Variants in ADAM12 observed in about 807,000 individuals in gnomAD.
The protein encoded by ADAM12 is disintegrin and metalloproteinase domain-containing protein 12.
Under a neutral mutation model 106.4 loss-of-function variants are expected in ADAM12, and 70 were observed. The ratio of observed to expected loss-of-function variants is 0.66; its 90% confidence interval spans 0.54 to 0.80. ADAM12 has a LOEUF of 0.80. Ranked by LOEUF, ADAM12 falls within the 30% of genes least tolerant of loss-of-function variation. The probability of loss-of-function intolerance (pLI) is 0.00; values close to 1 mark genes in which losing one functional copy is unlikely to be tolerated. For missense variants in ADAM12, 1,010 were observed against 1,171.9 expected, an observed-to-expected ratio of 0.86 and a Z score of 2.02; for synonymous variants, 420 against 433.5, an observed-to-expected ratio of 0.97 and a Z score of 0.39.
At chr10:126,161,603 T>A (rs1956936206) in intron 3 of ADAM12, among the ~76,000 whole-genome samples, 1 of 152,226 alleles carries the variant, frequency 6.6e-6, no homozygotes, top group Non-Finnish European at 1.5e-5. Context: ...GCTTCGGGCT[T>A]TCTGCTCCTT....
chr10:126,158,168 A>G (rs1956853584), intron 3 of ADAM12, among the ~76,000 whole-genome samples: 1 of 151,998 alleles, frequency 6.6e-6, no homozygotes, highest in South Asian at 2.1e-4. Flanking sequence ...GCAGAGGAAC[A>G]GGCAGAAGGA....
At chr10:126,182,069 G>A (rs1431567370) in intron 3 of ADAM12, among the ~76,000 whole-genome samples, 10 of 152,204 alleles carry the variant, frequency 6.6e-5, no homozygotes, top group Admixed American at 1.3e-4. Context: ...ACACAGCACC[G>A]GCAACGCAGT....
At chr10:126,106,422 TCAC>T (rs1955768943) in intron 8 of ADAM12, among the ~76,000 whole-genome samples, 3 of 151,534 alleles carry the variant, frequency 2.0e-5, no homozygotes, top group Non-Finnish European at 4.4e-5. Context: ...CTTGTCCTTC[TCAC>T]TTCCCCACTT....
intron 3 of ADAM12, among the ~76,000 whole-genome samples, chr10:126,271,512 C>T (rs1959175841): frequency 6.6e-6 from 1 of 152,210 alleles, no homozygotes; most frequent in South Asian, 2.1e-4. Flanking sequence ...AGAGCAGTAG[C>T]TCATGCCTTT....
intron 3 of ADAM12, among the ~76,000 whole-genome samples, chr10:126,235,109 C>G (rs145605824): frequency 2.9e-3 from 437 of 152,316 alleles, no homozygotes; most frequent in African/African-American, 1.0e-2. Flanking sequence ...AGGCCAGACT[C>G]CTCACAGGTC....
Position 126,118,160 on chromosome 10 carries a change from A to G in ADAM12, c.481T>C (p.Tyr161His), listed in dbSNP as rs745347573. 4 of 1,614,166 alleles carry G rather than the reference A, an allele frequency of 2.5e-6. No homozygotes were observed. Among genetic ancestry groups the G allele is most frequent in the Non-Finnish European group, 3.4e-6 (4 of 1,179,988 alleles). The change falls in exon 6 of 23, where the codon TAC (tyrosine) becomes CAC (histidine). Residue 161 changes from tyrosine (Y) to histidine (H), a missense_variant. Coordinates refer to ENST00000448723, the MANE Select transcript of ADAM12 (RefSeq NM_001288973.2). Reference sequence around the variant, plus strand: ...AGCTTCTTCGCTGGGAAGAGTTTGTATCTGTTGGTTGCACTTTTCATTGGT... The same window carrying G: ...AGCTTCTTCGCTGGGAAGAGTTTGTGTCTGTTGGTTGCACTTTTCATTGGT... ...LEPMKSATNR[Y>H]KLFPAKKLKS...
chr10:126,111,332 A>C (rs1158381079), intron 6 of ADAM12, among the ~76,000 whole-genome samples: 1 of 152,240 alleles, frequency 6.6e-6, no homozygotes, highest in Non-Finnish European at 1.5e-5. Context: ...TTATAAAAGA[A>C]AAGACATTTG....
intron 2 of ADAM12, among the ~76,000 whole-genome samples, chr10:126,287,009 G>T (rs1323221211): frequency 3.9e-5 from 6 of 152,166 alleles, no homozygotes; most frequent in Non-Finnish European, 8.8e-5. Flanking sequence ...CTCCCTGCAG[G>T]AAAAGGCACC....
At chr10:126,342,753 A>G (rs1421920255) in intron 1 of ADAM12, among the ~76,000 whole-genome samples, 1 of 152,196 alleles carries the variant, frequency 6.6e-6, no homozygotes, top group Non-Finnish European at 1.5e-5. Context: ...TAAAATCCAC[A>G]CTAATGATGC....
intron 1 of ADAM12, among the ~76,000 whole-genome samples, chr10:126,385,412 C>T (rs1856628337): frequency 1.3e-5 from 2 of 152,192 alleles, no homozygotes; most frequent in Non-Finnish European, 2.9e-5. Context: ...ACAAAAGACA[C>T]TCTTAATACC....
Position 126,049,796 on chromosome 10 carries a change from T to C in ADAM12, c.1610-127A>G, listed in dbSNP as rs1282135707. On this transcript the variant is annotated intron_variant, in intron 14 of 22. Coordinates refer to ENST00000448723, the MANE Select transcript of ADAM12 (RefSeq NM_001288973.2). This position sits in a 1 kb window ranked among gnomAD's most constrained non-coding sequence, Gnocchi z 4.4. ...AATCACACCCAGTGTCTGTCCCGAC[T>C]CATGGTGGGAGCTGGCCAGGGGAAG... The C allele has an allele frequency of 1.2e-5, 10 of 835,948 alleles. No homozygotes were observed. The highest frequency in any genetic ancestry group is 2.6e-5 in the Admixed American group (1 of 38,578). The allele number at this position is 835,948 out of a possible 1,614,324, so 51.8% of individuals were successfully genotyped here.
intron 3 of ADAM12, among the ~76,000 whole-genome samples, chr10:126,231,141 T>C (rs985644741): frequency 1.3e-5 from 2 of 152,232 alleles, no homozygotes; most frequent in African/African-American, 4.8e-5. Flanking sequence ...ATCTATATAT[T>C]CTTGTACTTT....
In ADAM12 at chr10:126,106,541, G is replaced by A. The variant is rs192740537; in HGVS notation, c.741+2052C>T. ...TCGCTCTGTCACCAGGCTAGAGTGC[G>A]ATGGCGTGATCTCGGCTCACTGCAA... On this transcript the variant is annotated intron_variant, in intron 8 of 22. Transcript: ENST00000448723. 3.9e-3 allele frequency among the ~76,000 whole-genome samples: 568 copies of A among 145,910 alleles called. 3 individuals are homozygous for A. Among genetic ancestry groups the A allele is most frequent in the African/African-American group, 0.014 (534 of 38,862 alleles).
chr10:126,332,812 G>C (rs189739041), intron 1 of ADAM12, among the ~76,000 whole-genome samples: 1 of 152,332 alleles, frequency 6.6e-6, no homozygotes, highest in African/African-American at 2.4e-5. Flanking sequence ...CACTGTTCTC[G>C]AAGCTTTGCC....
intron 2 of ADAM12, among the ~76,000 whole-genome samples, chr10:126,330,108 G>C (rs1203270949): frequency 2.0e-5 from 3 of 152,094 alleles, no homozygotes; most frequent in African/African-American, 7.2e-5. Context: ...CATAAATATA[G>C]AAAAATGCCC....
intron 3 of ADAM12, among the ~76,000 whole-genome samples, chr10:126,266,437 T>C (rs183330316): frequency 2.6e-5 from 4 of 152,062 alleles, no homozygotes; most frequent in Non-Finnish European, 5.9e-5. Context: ...GGAAGGAAGA[T>C]GATGAGACCT....
intron 18 of ADAM12, among the ~76,000 whole-genome samples, chr10:126,040,914 G>A (rs1047254756): frequency 3.9e-5 from 6 of 152,088 alleles, no homozygotes; most frequent in South Asian, 2.1e-4. Context: ...GGACCAGCAC[G>A]AGCACCGTGT....
intron 1 of ADAM12, among the ~76,000 whole-genome samples, chr10:126,377,553 C>T (rs1376087709): frequency 3.9e-5 from 6 of 152,078 alleles, no homozygotes; most frequent in Admixed American, 1.3e-4. Context: ...CTGCCTTTCC[C>T]GGCCCACTGA....
chr10:126,036,084 A>G, intron 21 of ADAM12, 62 bp downstream of exon 21: 2 of 1,317,628 alleles, frequency 1.5e-6, no homozygotes, highest in East Asian at 2.8e-5. Context: ...AAGCTCACAC[A>G]TTAACAAGTA....
Sources: allele counts gnomAD v4.1 joint callset (sites outside exome capture counted in the v4.1 genomes callset), GRCh38; gene constraint gnomAD v4.1.1; non-coding constraint Gnocchi (gnomAD v3.1); transcripts MANE v1.5; gene names NCBI Gene and HGNC (gene_info 2026-07-23, HGNC 2026-07-21).